The following TMEM191C variants were observed in gnomAD, a reference collection of about 807,000 sequenced individuals.
TMEM191C encodes KB-1323B2.6.
A neutral mutation model predicts 37.1 loss-of-function variants in TMEM191C; 26 were observed. The observed-to-expected ratio is 0.70, with a 90% CI of 0.51 to 0.97. The LOEUF is 0.97. TMEM191C is among the 50% of genes least tolerant of loss of function. The pLI is 0.00. For missense variants in TMEM191C, 240 were observed against 294.7 expected, an observed-to-expected ratio of 0.81 and a Z score of 1.36; for synonymous variants, 115 against 143.7, an observed-to-expected ratio of 0.80 and a Z score of 1.43.
chr22:21,468,357 T>C lies in TMEM191C; in HGVS notation c.334T>C (p.Phe112Leu). The C allele has an allele frequency of 1.3e-6, 2 of 1,535,368 alleles. No individual in the cohort carries two copies. The highest frequency in any genetic ancestry group is 8.7e-7 in the Non-Finnish European group (1 of 1,146,716). The change falls in exon 4 of 10, where the codon TTC becomes CTC. Residue 112 changes from phenylalanine to leucine, a missense_variant. By Grantham distance (22) the Phe-to-Leu change is conservative. Around this residue, in one of 3 missense-constraint regions of TMEM191C, gnomAD observed 130 missense variants for 105.7 expected, o/e 1.23. Transcript: ENST00000536718. ...EQWEELSSQL[F>L]YYGGELQSQK... ...CCCTTACAAGCCCCGCCCCTAGCTC[T>C]TCTACTACGGAGGGGAACTGCAGAG...
chr22:21,468,460 G>A (rs1353278060), intron 4 of TMEM191C, 29 bp downstream of exon 4: 30 of 1,344,674 alleles, frequency 2.2e-5, no homozygotes, highest in Non-Finnish European at 3.0e-5. Flanking sequence ...GAGGTGTTTA[G>A]TAGGGGCGGA....
In TMEM191C at chr22:21,467,631, C is replaced by T. The variant is rs1190896305; in HGVS notation, c.155+17C>T. On this transcript the variant is annotated intron_variant, in intron 1 of 9. Transcript: ENST00000536718. ...GGAGCGGAGGTGCGCGGGGAACGCC[C>T]CTCTACCTGGCGGGCGCGCGAGGGT... 2 of 1,523,946 alleles carry T rather than the reference C, an allele frequency of 1.3e-6. No individual in the cohort carries two copies. Among genetic ancestry groups the T allele is most frequent in the Admixed American group, 2.1e-5 (1 of 48,294 alleles). The allele number at this position is 1,523,946 out of a possible 1,614,324, so 94.4% of individuals were successfully genotyped here.
chr22:21,468,296 C>T (rs1253489240), intron 3 of TMEM191C, 58 bp from the exon 4 acceptor site: 5 of 1,535,076 alleles, frequency 3.3e-6, no homozygotes, highest in Non-Finnish European at 3.5e-6. Flanking sequence ...CCTGTCTCCC[C>T]TGACACCCGT....
At chr22:21,468,242 C>A in intron 3 of TMEM191C, 40 bp downstream of exon 3, 1 of 1,532,878 alleles carries the variant, frequency 6.5e-7, no homozygotes, top group Non-Finnish European at 8.7e-7. Context: ...CTTGGTTCCT[C>A]TCGGAAGTCC....
rs1601351949 is a variant in TMEM191C at position 21,467,568 on chromosome 22, G to C, written c.109G>C (p.Glu37Gln). ...KLMRGLEAES[E>Q]SLNQRLQDLS... ...GATGCGCGGGCTCGAGGCCGAGAGC[G>C]AGAGCCTCAACCAGCGCCTGCAGGA... Residue 37 changes from glutamate to glutamine, a missense_variant, in exon 1 of 10, where the codon GAG (glutamate) becomes CAG (glutamine). By Grantham distance (29) the Glu-to-Gln change is conservative. Coordinates refer to ENST00000536718, the MANE Select transcript of TMEM191C (RefSeq NM_001388354.1). 8 of 1,529,190 alleles carry C rather than the reference G, an allele frequency of 5.2e-6. No individual in the cohort carries two copies. The highest frequency in any genetic ancestry group is 7.0e-6 in the Non-Finnish European group (8 of 1,144,858). 94.7% of individuals were successfully genotyped at this position (1,529,190 alleles called of 1,614,324 possible). A position where few individuals can be genotyped will look rare whatever the true frequency, so the allele number is the denominator to read the frequency against.
At position 21,468,019 on chromosome 22, in the gene TMEM191C, T is replaced by A; in HGVS notation, c.279+2T>A. ...GCGGAGCGCCACAAGGAGTACTTGG[T>A]GAGGAAGAGTCCTGGAATGGGGCTG... On this transcript the variant is annotated splice_donor_variant, in intron 2 of 9. Transcript: ENST00000536718. LOFTEE classifies it high-confidence loss of function. The A allele has an allele frequency of 1.9e-6, 1 of 529,940 alleles. No homozygotes were observed. The highest frequency in any genetic ancestry group is 3.3e-6 in the Non-Finnish European group (1 of 302,342). The allele number at this position is 529,940 out of a possible 1,614,324, so 32.8% of individuals were successfully genotyped here. A position where few individuals can be genotyped will look rare whatever the true frequency, so the allele number is the denominator to read the frequency against.
rs1041143686 is a variant in TMEM191C at position 21,469,485 on chromosome 22, T to C, written c.664-9T>C. The C allele has an allele frequency of 3.8e-5, 51 of 1,348,516 alleles. No individual in the cohort carries two copies. Among genetic ancestry groups the C allele is most frequent in the African/African-American group, 2.5e-4 (16 of 64,152 alleles). The allele number at this position is 1,348,516 out of a possible 1,614,324, so 83.5% of individuals were successfully genotyped here. A position where few individuals can be genotyped will look rare whatever the true frequency, so the allele number is the denominator to read the frequency against. On this transcript the variant is annotated splice_polypyrimidine_tract_variant and intron_variant, in intron 8 of 9. Transcript: ENST00000536718. Reference sequence around the variant, plus strand: ...GGAGGTAGCTGGATGCGGCCCTCTCTCCCCGCAGGAGACGCGGCTGTTCGG... The same window carrying C: ...GGAGGTAGCTGGATGCGGCCCTCTCCCCCCGCAGGAGACGCGGCTGTTCGG...
At chr22:21,468,484 C>G in intron 4 of TMEM191C, 53 bp downstream of exon 4, 2 of 1,203,470 alleles carry the variant, frequency 1.7e-6, no homozygotes, top group South Asian at 1.4e-5. Context: ...GCAGCATGAG[C>G]TGGGCCGTGA....
chr22:21,468,272 G>A (rs1309752357), intron 3 of TMEM191C, 70 bp downstream of exon 3: 34 of 1,534,404 alleles, frequency 2.2e-5, no homozygotes, highest in African/African-American at 4.1e-5. Flanking sequence ...CCTCGCCCTT[G>A]TTGCCTCCCC....
intron 1 of TMEM191C, 130 bp from the exon 2 acceptor site, chr22:21,467,764 C>G (rs1297258911): frequency 4.4e-6 from 2 of 457,558 alleles, no homozygotes; most frequent in East Asian, 3.3e-5. Flanking sequence ...ACCCAGCGGA[C>G]CCAGGTGGGG....
At position 21,467,578 on chromosome 22, in the gene TMEM191C, A is replaced by G; in HGVS notation, c.119A>G (p.Asn40Ser). 4 of 1,529,996 alleles carry G rather than the reference A, an allele frequency of 2.6e-6. No individual in the cohort carries two copies. Among genetic ancestry groups the G allele is most frequent in the Non-Finnish European group, 3.5e-6 (4 of 1,145,152 alleles). 94.8% of individuals were successfully genotyped at this position (1,529,996 alleles called of 1,614,324 possible). Residue 40 changes from asparagine (N) to serine (S), a missense_variant, in exon 1 of 10, where the codon AAC (asparagine) becomes AGC (serine). Physicochemically the swap from Asn to Ser is conservative, Grantham distance 46. Around this residue, in one of 3 missense-constraint regions of TMEM191C, gnomAD observed 130 missense variants for 105.7 expected, o/e 1.23. Transcript: ENST00000536718. ...CTCGAGGCCGAGAGCGAGAGCCTCA[A>G]CCAGCGCCTGCAGGACCTGAGCGAG... The part of the protein sequence containing the change: ...RGLEAESESL[N>S]QRLQDLSERE...
rs1343371684 is a variant in TMEM191C, at chr22:21,469,359, G to C, written c.663+13G>C. 8.0e-7 allele frequency: 1 copy of C among 1,242,632 alleles called. No homozygotes were observed. Among genetic ancestry groups the C allele is most frequent in the Non-Finnish European group, 1.0e-6 (1 of 977,874 alleles). The allele number at this position is 1,242,632 out of a possible 1,614,324, so 77.0% of individuals were successfully genotyped here. Reference sequence around the variant, plus strand: ...CAGGGCGGACCGAGTGAGCGCCTGCGCGGGTCCGGGCGGGGTGGGCTGGAG... The same window carrying C: ...CAGGGCGGACCGAGTGAGCGCCTGCCCGGGTCCGGGCGGGGTGGGCTGGAG... On this transcript the variant is annotated intron_variant, in intron 8 of 9. Coordinates refer to ENST00000536718, the MANE Select transcript of TMEM191C (RefSeq NM_001388354.1).
rs1015493959 is a variant in TMEM191C at position 21,469,545 on chromosome 22, C to A, written c.704+11C>A. On this transcript the variant is annotated intron_variant, in intron 9 of 9. Transcript: ENST00000536718. Reference sequence around the variant, plus strand: ...CGCGCTGGCCATCAGGTGAGCCGGGCGGTGGGCGCGGCCGCGGTCCCCCAG... The same window carrying A: ...CGCGCTGGCCATCAGGTGAGCCGGGAGGTGGGCGCGGCCGCGGTCCCCCAG... The A allele has an allele frequency of 4.0e-5, 56 of 1,383,934 alleles. 2 individuals carry two copies. The African/African-American group carries it at 4.4e-4, about 11-fold the overall frequency. The allele number at this position is 1,383,934 out of a possible 1,614,324, so 85.7% of individuals were successfully genotyped here.
chr22:21,469,362 G>C lies in TMEM191C; in HGVS notation c.663+16G>C. On this transcript the variant is annotated intron_variant, in intron 8 of 9. Transcript: ENST00000536718. ...GGCGGACCGAGTGAGCGCCTGCGCGGGTCCGGGCGGGGTGGGCTGGAGCGG... is the reference window on the plus strand; with the variant it reads ...GGCGGACCGAGTGAGCGCCTGCGCGCGTCCGGGCGGGGTGGGCTGGAGCGG... 1 of 1,255,352 alleles carries C rather than the reference G, an allele frequency of 8.0e-7. No homozygotes were observed. The highest frequency in any genetic ancestry group is 1.0e-6 in the Non-Finnish European group (1 of 988,354). The allele number at this position is 1,255,352 out of a possible 1,614,324, so 77.8% of individuals were successfully genotyped here.
At chr22:21,467,641 G>A in intron 1 of TMEM191C, 27 bp downstream of exon 1, 1 of 1,509,296 alleles carries the variant, frequency 6.6e-7, no homozygotes, top group Non-Finnish European at 8.8e-7. Flanking sequence ...CCTCTACCTG[G>A]CGGGCGCGCG....
In TMEM191C at chr22:21,469,704, C is replaced by T; in HGVS notation, c.792C>T (p.Asp264=). 2 of 1,526,840 alleles carry T rather than the reference C, an allele frequency of 1.3e-6. No homozygotes were observed. Among genetic ancestry groups the T allele is most frequent in the Admixed American group, 2.0e-5 (1 of 50,422 alleles). The allele number at this position is 1,526,840 out of a possible 1,614,324, so 94.6% of individuals were successfully genotyped here. The change falls in exon 10 of 10, where the codon GAC becomes GAT. Residue 264 remains aspartate (D), a synonymous_variant. Transcript: ENST00000536718. ...CGCTGCTCTGGACGGTGCTGTTGGA[C>T]CCCGGCGCCGTCTCCGCGTGGCTCT... The part of the protein sequence containing the change: ...GLSLLWTVLL[D]PGAVSAWLWS...
At chr22:21,467,649 G>A (rs1252486296) in intron 1 of TMEM191C, 35 bp downstream of exon 1, 3 of 1,497,826 alleles carry the variant, frequency 2.0e-6, no homozygotes, top group Non-Finnish European at 2.7e-6. Context: ...TGGCGGGCGC[G>A]CGAGGGTCGG....
intron 7 of TMEM191C, 36 bp downstream of exon 7, chr22:21,469,230 T>C (rs1924648004): frequency 6.7e-7 from 1 of 1,490,856 alleles, no homozygotes; most frequent in Non-Finnish European, 8.9e-7. Flanking sequence ...GGCGGGGCAC[T>C]GTGGGGCCGG....
At position 21,469,542 on chromosome 22, in the gene TMEM191C, G is replaced by A. The variant is rs1439824468; in HGVS notation, c.704+8G>A. ...TCGCGCGCTGGCCATCAGGTGAGCC[G>A]GGCGGTGGGCGCGGCCGCGGTCCCC... On this transcript the variant is annotated splice_region_variant and intron_variant, in intron 9 of 9. Coordinates refer to ENST00000536718, the MANE Select transcript of TMEM191C (RefSeq NM_001388354.1). 82 of 1,382,304 alleles carry A rather than the reference G, an allele frequency of 5.9e-5. No individual in the cohort carries two copies. Among genetic ancestry groups the A allele is most frequent in the Non-Finnish European group, 7.3e-5 (79 of 1,079,422 alleles). The allele number at this position is 1,382,304 out of a possible 1,614,324, so 85.6% of individuals were successfully genotyped here.
Sources: gnomAD v4.1 joint callset for allele counts on GRCh38, gnomAD v4.1.1 for gene constraint, gnomAD v4.1.1 regional missense constraint, MANE v1.5 for transcripts, NCBI Gene and HGNC (gene_info 2026-07-23, HGNC 2026-07-21) for gene names.